The following PPA1 variants were observed in gnomAD, a reference collection of about 807,000 sequenced individuals.
PPA1 encodes the protein inorganic pyrophosphatase 1, also known as inorganic pyrophosphatase.
PPA1 carries 23 observed loss-of-function variants against 41.8 expected under a neutral mutation model. The ratio of observed to expected loss-of-function variants is 0.55; its 90% CI spans 0.40 to 0.78. The LOEUF is 0.78. Among genes scored for constraint, PPA1 ranks in the 30% least tolerant of loss-of-function variants. The pLI is 0.00. For missense variants in PPA1, 320 were observed against 361.6 expected, an observed-to-expected ratio of 0.89 and a Z score of 0.93; for synonymous variants, 101 against 116.8, an observed-to-expected ratio of 0.86 and a Z score of 0.87.
intron 2 of PPA1, among the ~76,000 whole-genome samples, chr10:70,221,069 TA>T (rs1160720204): frequency 0.016 from 279 of 17,358 alleles, 21 homozygotes; most frequent in Non-Finnish European, 0.021. Context: ...TATATATATA[TA>T]TATATATTTT....
intron 6 of PPA1, among the ~76,000 whole-genome samples, chr10:70,211,014 C>T (rs1166205156): frequency 2.0e-5 from 3 of 152,130 alleles, no homozygotes; most frequent in Non-Finnish European, 4.4e-5. Flanking sequence ...TCGCCTGCCT[C>T]GGCCTCCCAA....
At position 70,204,923 on chromosome 10, in the gene PPA1, A is replaced by G. The variant is rs754153531; in HGVS notation, c.796-8T>C. 5 of 1,578,598 alleles carry G rather than the reference A, an allele frequency of 3.2e-6. No homozygotes were observed. Among genetic ancestry groups the G allele is most frequent in the Non-Finnish European group, 4.3e-6 (5 of 1,155,290 alleles). On this transcript the variant is annotated splice_polypyrimidine_tract_variant and splice_region_variant and intron_variant, in intron 9 of 10. Transcript: ENST00000373232. ...TTCACAGGGTGGTGGTAACTAAAAT[A>G]TAAAATATTAAAATCTATTAGTCTA...
At chr10:70,206,385 T>C in intron 8 of PPA1, 52 bp from the exon 9 acceptor site, 1 of 1,364,178 alleles carries the variant, frequency 7.3e-7, no homozygotes, top group Non-Finnish European at 1.0e-6. Context: ...AAATTATCTC[T>C]TAAGAGTTAA....
chr10:70,217,821 G>C lies in PPA1; in HGVS notation c.288C>G (p.Ala96=), dbSNP rs1840095808. Residue 96 remains alanine, a synonymous_variant, in exon 4 of 11, where the codon GCC becomes GCG. Transcript: ENST00000373232. ...TTGCATGAAGACATACCTGAGGGAT[G>C]GCACCATAGTTCCAGATATATCCTT... ...PYKGYIWNYG[A]IPQTWEDPGH... is the part of the protein sequence containing the mutation. The C allele has an allele frequency of 6.4e-7, 1 of 1,571,140 alleles. No homozygotes were observed. Among genetic ancestry groups the C allele is most frequent in the Non-Finnish European group, 8.6e-7 (1 of 1,156,876 alleles).
intron 6 of PPA1, among the ~76,000 whole-genome samples, chr10:70,210,623 A>G (rs1209190080): frequency 2.0e-5 from 3 of 152,276 alleles, no homozygotes; most frequent in Middle Eastern, 3.4e-3. Flanking sequence ...CTGCACTTCA[A>G]ATAACAAACT....
intron 2 of PPA1, among the ~76,000 whole-genome samples, chr10:70,225,757 G>A (rs1024231566): frequency 2.0e-5 from 3 of 151,506 alleles, no homozygotes; most frequent in Admixed American, 6.6e-5. Flanking sequence ...AGATGCTTTC[G>A]AAAAGGTATA....
At chr10:70,228,309 T>C (rs1428782861) in intron 2 of PPA1, among the ~76,000 whole-genome samples, 1 of 152,112 alleles carries the variant, frequency 6.6e-6, no homozygotes, top group Non-Finnish European at 1.5e-5. Flanking sequence ...GAAGCAGCAA[T>C]AAGAGTAGGT....
At chr10:70,217,000 A>T (rs1211114669) in intron 4 of PPA1, among the ~76,000 whole-genome samples, 1 of 152,050 alleles carries the variant, frequency 6.6e-6, no homozygotes, top group African/African-American at 2.4e-5. Context: ...CCCCGTCTCC[A>T]CTAAACTGCA....
chr10:70,220,891 T>C (rs1385213420), intron 2 of PPA1, among the ~76,000 whole-genome samples: 2 of 12,682 alleles, frequency 1.6e-4, no homozygotes, highest in Admixed American at 1.8e-3. Context: ...TTATATATAC[T>C]ATATATATAA....
intron 10 of PPA1, 42 bp downstream of exon 10, chr10:70,204,831 T>C (rs755548802): frequency 3.4e-6 from 5 of 1,473,898 alleles, no homozygotes; most frequent in Admixed American, 2.0e-5. Flanking sequence ...TTTCCATAAC[T>C]GTGTAATGTT....
chr10:70,210,288 G>C (rs1362515031), intron 6 of PPA1: 1 of 915,294 alleles, frequency 1.1e-6, no homozygotes, highest in Non-Finnish European at 1.6e-6. Flanking sequence ...TGTTGCCCAG[G>C]CTGGTCTCAA....
intron 2 of PPA1, among the ~76,000 whole-genome samples, chr10:70,222,657 A>G (rs972266133): frequency 6.6e-6 from 1 of 152,262 alleles, no homozygotes; most frequent in Non-Finnish European, 1.5e-5. Context: ...ACTCATCTGT[A>G]AAATCAATGT....
At chr10:70,223,472 T>C (rs1840197723) in intron 2 of PPA1, among the ~76,000 whole-genome samples, 1 of 152,148 alleles carries the variant, frequency 6.6e-6, no homozygotes, top group South Asian at 2.1e-4. Context: ...CTCCTGCCTA[T>C]GCATCCCTAG....
intron 6 of PPA1, among the ~76,000 whole-genome samples, chr10:70,212,262 ATTTAT>A (rs1840028981): frequency 6.6e-6 from 1 of 152,150 alleles, no homozygotes; most frequent in Non-Finnish European, 1.5e-5. Context: ...ACTCATGGAG[ATTTAT>A]TTTATGTTCC....
intron 2 of PPA1, among the ~76,000 whole-genome samples, chr10:70,221,064 ATATATATATATATTT>A (rs1840158203): frequency 6.4e-5 from 1 of 15,538 alleles, no homozygotes; most frequent in African/African-American, 4.9e-4. Flanking sequence ...TAATTTATAT[ATATATATATATATTT>A]TTTTTTTTTT....
intron 7 of PPA1, 110 bp from the exon 8 acceptor site, chr10:70,209,400 TA>T: frequency 7.7e-7 from 1 of 1,303,746 alleles, no homozygotes. Flanking sequence ...TTCCTTATTC[TA>T]AAAATGGAAG....
chr10:70,213,671 G>A (rs772134258), intron 5 of PPA1, 82 bp from the exon 6 acceptor site: 7 of 1,453,610 alleles, frequency 4.8e-6, no homozygotes, highest in Non-Finnish European at 6.5e-6. Flanking sequence ...CAGGAAATAA[G>A]AAAGAGGCCA....
At chr10:70,216,443 C>A (rs960254033) in intron 4 of PPA1, among the ~76,000 whole-genome samples, 1 of 150,966 alleles carries the variant, frequency 6.6e-6, no homozygotes, top group Admixed American at 6.6e-5. Context: ...GCCAAGACTG[C>A]GCCACCGCAC....
At chr10:70,220,903 T>TCTTA (rs1480110638) in intron 2 of PPA1, among the ~76,000 whole-genome samples, 241 of 5,926 alleles carry the variant, frequency 0.041, 42 homozygotes, top group African/African-American at 0.06. Flanking sequence ...TATATATAAT[T>TCTTA]TATATATAAT....
Sources: allele counts gnomAD v4.1 joint callset (sites outside exome capture counted in the v4.1 genomes callset), GRCh38; gene constraint gnomAD v4.1.1; transcripts MANE v1.5; gene names NCBI Gene and HGNC (gene_info 2026-07-23, HGNC 2026-07-21).